The following THSD7A variants were observed in gnomAD, a reference collection of about 807,000 sequenced individuals.
THSD7A encodes thrombospondin type-1 domain-containing protein 7A.
A neutral mutation model predicts 231.3 loss-of-function variants in THSD7A; 96 were observed. The ratio of observed to expected loss-of-function variants is 0.41; its 90% CI spans 0.35 to 0.49. THSD7A has a LOEUF of 0.49. Ranked by LOEUF, THSD7A falls within the 20% of genes least tolerant of loss-of-function variation. THSD7A has a pLI of 0.05. For missense variants in THSD7A, 2,290 were observed against 2,070.2 expected, an observed-to-expected ratio of 1.11 and a Z score of -2.06; for synonymous variants, 940 against 743.3, an observed-to-expected ratio of 1.26 and a Z score of -4.30.
intron 1 of THSD7A, among the ~76,000 whole-genome samples, chr7:11,757,956 T>C (rs1044968742): frequency 1.3e-5 from 2 of 149,852 alleles, no homozygotes; most frequent in Non-Finnish European, 3.0e-5. Context: ...AAATTTTTTA[T>C]TGACCACTTA....
intron 7 of THSD7A, among the ~76,000 whole-genome samples, chr7:11,479,211 A>G (rs922470939): frequency 6.6e-6 from 1 of 152,206 alleles, no homozygotes; most frequent in African/African-American, 2.4e-5. Context: ...CCATTACTGA[A>G]GCACAACCTA....
At chr7:11,404,809 T>G (rs920781668) in intron 22 of THSD7A, among the ~76,000 whole-genome samples, 1 of 152,160 alleles carries the variant, frequency 6.6e-6, no homozygotes, top group African/African-American at 2.4e-5. Context: ...TAACATGAGA[T>G]CTACCCACTT....
At chr7:11,408,738 G>C (rs1783675659) in intron 19 of THSD7A, among the ~76,000 whole-genome samples, 1 of 152,072 alleles carries the variant, frequency 6.6e-6, no homozygotes, top group African/African-American at 2.4e-5. Context: ...CACTGAGAGA[G>C]GATCAGATCA....
At chr7:11,483,371 G>T (rs1361314832) in intron 6 of THSD7A, among the ~76,000 whole-genome samples, 2 of 152,108 alleles carry the variant, frequency 1.3e-5, no homozygotes, top group Non-Finnish European at 2.9e-5. Context: ...CCATTACATT[G>T]CAAGGCCTTA....
At chr7:11,435,600 A>C (rs1784607826) in intron 13 of THSD7A, among the ~76,000 whole-genome samples, 2 of 152,066 alleles carry the variant, frequency 1.3e-5, no homozygotes, top group Non-Finnish European at 2.9e-5. Context: ...CAGTGTGCTA[A>C]GAGAAAGATG....
At chr7:11,460,351 AAAACAAAC>A (rs58099419) in intron 11 of THSD7A, among the ~76,000 whole-genome samples, 8 of 152,064 alleles carry the variant, frequency 5.3e-5, no homozygotes, top group South Asian at 2.1e-4. Flanking sequence ...CCGTAATCTA[AAAACAAAC>A]AAACAAACAA....
intron 2 of THSD7A, among the ~76,000 whole-genome samples, chr7:11,626,401 T>C (rs1781473608): frequency 6.6e-6 from 1 of 152,150 alleles, no homozygotes; most frequent in East Asian, 1.9e-4. Flanking sequence ...ATGCCTTTAA[T>C]ATGTACAACT....
chr7:11,425,848 T>C (rs1784303102), intron 15 of THSD7A, among the ~76,000 whole-genome samples: 1 of 151,932 alleles, frequency 6.6e-6, no homozygotes, highest in African/African-American at 2.4e-5. Flanking sequence ...CTAGAAAAGA[T>C]AGATTTAAAT....
chr7:11,822,115 T>C (rs1378386168), intron 1 of THSD7A, among the ~76,000 whole-genome samples: 1 of 152,152 alleles, frequency 6.6e-6, no homozygotes, highest in African/African-American at 2.4e-5. Context: ...TGCATAGTGA[T>C]CAAGTTAGGA....
intron 1 of THSD7A, among the ~76,000 whole-genome samples, chr7:11,756,065 G>A (rs1388410486): frequency 2.0e-5 from 3 of 151,954 alleles, no homozygotes; most frequent in East Asian, 1.9e-4. Flanking sequence ...CATTATCATT[G>A]CATCTGCTTT....
chr7:11,717,675 C>A (rs183097258), intron 1 of THSD7A, among the ~76,000 whole-genome samples: 1 of 151,660 alleles, frequency 6.6e-6, no homozygotes, highest in East Asian at 2.0e-4. Context: ...ATGAGGGAGC[C>A]CATTTTGCCT....
Position 11,586,509 on chromosome 7 carries a change from T to A in THSD7A, c.1453+3951A>T, listed in dbSNP as rs571858566. Among the ~76,000 whole-genome samples the A allele has an allele frequency of 7.9e-5, 12 of 152,292 alleles. No homozygotes were observed. The East Asian group carries it at 2.3e-3, about 29-fold the overall frequency. ...GTAAAATATTCTTACCTACCTTTTA[T>A]TTCAAAAGTGAGGAACAGGAAAGAC... On this transcript the variant is annotated intron_variant, in intron 4 of 27. Coordinates refer to ENST00000423059, the MANE Select transcript of THSD7A (RefSeq NM_015204.3).
At chr7:11,557,276 TA>T (rs1372052842) in intron 4 of THSD7A, among the ~76,000 whole-genome samples, 2 of 152,132 alleles carry the variant, frequency 1.3e-5, no homozygotes, top group Non-Finnish European at 2.9e-5. Context: ...ACAGAGTTTT[TA>T]TATCTGTTAT....
intron 4 of THSD7A, among the ~76,000 whole-genome samples, chr7:11,581,425 C>A (rs575809632): frequency 6.6e-6 from 1 of 152,078 alleles, no homozygotes. Flanking sequence ...CACCAATATA[C>A]ACCATGAATT....
chr7:11,373,426 A>G lies in THSD7A; in HGVS notation c.*2368T>C, dbSNP rs1330555481. 1 of 151,984 alleles carries G rather than the reference A, an allele frequency of 6.6e-6. No homozygotes were observed. The highest frequency in any genetic ancestry group is 2.4e-5 in the African/African-American group (1 of 41,420). 9.4% of individuals were successfully genotyped at this position (151,984 alleles called of 1,614,324 possible). On this transcript the variant is annotated 3_prime_UTR_variant, in exon 28 of 28. Transcript: ENST00000423059. ...ATCTGGAAGACCCCTGATTATATAT[A>G]TTGACAATCACAGTTTTAAAGTAAC...
At chr7:11,426,495 T>C (rs1393985055) in intron 15 of THSD7A, among the ~76,000 whole-genome samples, 171 bp downstream of exon 15, 1 of 152,086 alleles carries the variant, frequency 6.6e-6, no homozygotes, top group Non-Finnish European at 1.5e-5. Flanking sequence ...GTAACTATGA[T>C]AGAAAAGAAA....
intron 1 of THSD7A, among the ~76,000 whole-genome samples, chr7:11,768,077 G>C (rs959339488): frequency 3.3e-5 from 5 of 152,158 alleles, no homozygotes; most frequent in Admixed American, 3.3e-4. Context: ...AGATGTGTGT[G>C]AAATATCTGA....
intron 19 of THSD7A, among the ~76,000 whole-genome samples, chr7:11,410,282 A>G (rs1020604705): frequency 2.6e-5 from 4 of 152,166 alleles, no homozygotes; most frequent in African/African-American, 9.7e-5. Context: ...CACATGATAA[A>G]CATATCAAAT....
chr7:11,505,266 T>C (rs1238829097), intron 6 of THSD7A, among the ~76,000 whole-genome samples: 2 of 152,170 alleles, frequency 1.3e-5, no homozygotes, highest in Admixed American at 6.5e-5. Flanking sequence ...TCATTAATCG[T>C]CCAAATTCTT....
Sources: gnomAD v4.1 joint callset for allele counts (sites outside exome capture counted in the v4.1 genomes callset) on GRCh38, gnomAD v4.1.1 for gene constraint, MANE v1.5 for transcripts, NCBI Gene and HGNC (gene_info 2026-07-23, HGNC 2026-07-21) for gene names.